CTDP1: variants seen among roughly 807,000 people sequenced by gnomAD.
The protein encoded by CTDP1 is CTD phosphatase 1, also known as RNA polymerase II subunit A C-terminal domain phosphatase.
CTDP1 carries 47 observed loss-of-function variants against 91.8 expected under a neutral mutation model. The observed-to-expected ratio is 0.51, with a 90% CI of 0.41 to 0.65. The LOEUF (loss-of-function observed/expected upper bound fraction) is 0.65. Among genes scored for constraint, CTDP1 ranks in the 30% least tolerant of loss-of-function variants. The pLI is 0.00. For missense variants in CTDP1, 1,272 were observed against 1,373.7 expected (o/e 0.93, Z 1.17); for synonymous variants, 656 against 598.5 (o/e 1.10, Z -1.40).
intron 5 of CTDP1, among the ~76,000 whole-genome samples, chr18:79,705,678 G>A (rs542814561): frequency 6.6e-6 from 1 of 152,360 alleles, no homozygotes; most frequent in East Asian, 1.9e-4. Context: ...GGCGCCGAGT[G>A]GCAGTGTAGG....
At chr18:79,698,523 C>T (rs959407453) in intron 4 of CTDP1, among the ~76,000 whole-genome samples, 2 of 152,098 alleles carry the variant, frequency 1.3e-5, no homozygotes, top group East Asian at 1.9e-4. Flanking sequence ...TTAATGCACA[C>T]GAAACCCTTC....
upstream of CTDP1, among the ~76,000 whole-genome samples, chr18:79,676,959 C>T (rs901563499): frequency 6.6e-6 from 1 of 152,240 alleles, no homozygotes; most frequent in African/African-American, 2.4e-5. Context: ...GGCATCTATC[C>T]AGGTTGGAGT....
In CTDP1 at chr18:79,731,077, G is replaced by A. The variant is rs182869309; in HGVS notation, c.2580+2008G>A. Among the ~76,000 whole-genome samples, 436 of 152,316 alleles carry A rather than the reference G, an allele frequency of 2.9e-3. 3 individuals carry two copies. The highest frequency in any genetic ancestry group is 4.4e-3 in the Admixed American group (67 of 15,298). On this transcript the variant is annotated intron_variant, in intron 11 of 12. Transcript: ENST00000613122. Reference sequence around the variant, plus strand: ...GCCCATTGCCTGCACCCCCCCGTGGGCCTGTGAGACGGACTAGGTACCTGC... The same window carrying A: ...GCCCATTGCCTGCACCCCCCCGTGGACCTGTGAGACGGACTAGGTACCTGC...
At position 79,692,695 on chromosome 18, in the gene CTDP1, G is replaced by A. The variant is rs183508144; in HGVS notation, c.315-2530G>A. On this transcript the variant is annotated intron_variant, in intron 1 of 12. Transcript: ENST00000613122. ...CAGGGGGTAGAGCGAGGAGCCCGCC[G>A]TGAGCTGGTGTCCTGCGTGGGGCAG... Among the ~76,000 whole-genome samples, 449 of 152,124 alleles carry A rather than the reference G, an allele frequency of 3.0e-3. 1 individual carries two copies. Among genetic ancestry groups the A allele is most frequent in the African/African-American group, 0.01 (427 of 41,494 alleles).
intron 12 of CTDP1, among the ~76,000 whole-genome samples, chr18:79,746,706 T>C (rs1236111793): frequency 6.6e-6 from 1 of 152,198 alleles, no homozygotes. Flanking sequence ...AAGCTTGAAC[T>C]CCTGGGCTCA....
At chr18:79,743,687 G>A (rs555733210) in intron 12 of CTDP1, among the ~76,000 whole-genome samples, 13 of 152,350 alleles carry the variant, frequency 8.5e-5, no homozygotes, top group African/African-American at 3.1e-4. Context: ...GGGCTGAGCT[G>A]TGCAGCAGCC....
chr18:79,742,181 TGAGAGA>T lies in CTDP1; in HGVS notation c.2747+5682_2747+5687del, dbSNP rs35935192. Among the ~76,000 whole-genome samples, 279 of 99,934 alleles carry T rather than the reference TGAGAGA, an allele frequency of 2.8e-3. 4 individuals carry two copies. In the East Asian group the frequency reaches 0.032, roughly 11 times the overall value. 65.6% of individuals were successfully genotyped at this position (99,934 alleles called of 152,430 possible). ...GGGGCAGCAGAGGAAGCATGAAGCA[TGAGAGA>T]GAGAGAGAGAGAGAGAGAGAGGCCT... On this transcript the variant is annotated intron_variant, in intron 12 of 12. Coordinates refer to ENST00000613122, the MANE Select transcript of CTDP1 (RefSeq NM_004715.5).
Position 79,715,365 on chromosome 18 carries a change from A to G in CTDP1, c.1905A>G (p.Ala635=). 6.2e-7 allele frequency: 1 copy of G among 1,608,482 alleles called. No individual in the cohort carries two copies. The highest frequency in any genetic ancestry group is 1.1e-5 in the South Asian group (1 of 89,936). Residue 635 remains alanine (A), a synonymous_variant, in exon 8 of 13, where the codon GCA becomes GCG. Transcript: ENST00000613122. ...IVPELKSKVL[A]DVAIIFSGLH... is the part of the protein sequence containing the mutation. ...CGGAGCTCAAGAGCAAGGTGCTGGC[A>G]GACGTGGCCATAATTTTCAGTGGGC...
chr18:79,719,666 A>G (rs2086293788), intron 10 of CTDP1, among the ~76,000 whole-genome samples: 1 of 149,178 alleles, frequency 6.7e-6, no homozygotes, highest in African/African-American at 2.5e-5. Context: ...GTCACCTCCC[A>G]TCATTAGGAA....
chr18:79,719,351 C>T (rs775205483), intron 10 of CTDP1, among the ~76,000 whole-genome samples: 14 of 150,418 alleles, frequency 9.3e-5, no homozygotes, highest in Non-Finnish European at 1.6e-4. Flanking sequence ...GCAGCTGGGC[C>T]GGTGCGGGTG....
At chr18:79,686,137 C>T (rs185684465) in intron 1 of CTDP1, among the ~76,000 whole-genome samples, 36 of 152,244 alleles carry the variant, frequency 2.4e-4, no homozygotes, top group Non-Finnish European at 4.0e-4. Flanking sequence ...TAGGTATCTC[C>T]GATCTAATCT....
intron 12 of CTDP1, among the ~76,000 whole-genome samples, chr18:79,744,323 T>C (rs973831158): frequency 6.6e-6 from 1 of 152,174 alleles, no homozygotes; most frequent in African/African-American, 2.4e-5. Context: ...AATAAACTTT[T>C]TAAGTTAAGT....
Position 79,713,298 on chromosome 18 carries a change from A to G in CTDP1, c.1030+160A>G, listed in dbSNP as rs905153586. 6.6e-6 allele frequency among the ~76,000 whole-genome samples: 1 copy of G among 152,214 alleles called. No individual in the cohort carries two copies. The highest frequency in any genetic ancestry group is 6.5e-5 in the Admixed American group (1 of 15,282). Reference sequence around the variant, plus strand: ...TTGGATTTATTTATAGAGTACTGAAAAACAGGATATTAGGTTGTTTCAATT... The same window carrying G: ...TTGGATTTATTTATAGAGTACTGAAGAACAGGATATTAGGTTGTTTCAATT... On this transcript the variant is annotated intron_variant, in intron 7 of 12. Coordinates refer to ENST00000613122, the MANE Select transcript of CTDP1 (RefSeq NM_004715.5). The surrounding 1 kb of genome is among the most constrained non-coding windows in gnomAD (Gnocchi z 4.7).
chr18:79,707,071 G>A (rs1374508129), intron 5 of CTDP1, among the ~76,000 whole-genome samples: 1 of 152,184 alleles, frequency 6.6e-6, no homozygotes, highest in Non-Finnish European at 1.5e-5. Flanking sequence ...GAGGTGCATC[G>A]ATGTTTGCTG....
At chr18:79,688,994 G>A (rs186978646) in intron 1 of CTDP1, among the ~76,000 whole-genome samples, 14 of 152,346 alleles carry the variant, frequency 9.2e-5, no homozygotes, top group Admixed American at 7.2e-4. Context: ...TCTGGAGTTG[G>A]AGAGTTAGTT....
intron 4 of CTDP1, among the ~76,000 whole-genome samples, chr18:79,700,663 C>T (rs568711503): frequency 9.2e-5 from 14 of 152,334 alleles, no homozygotes; most frequent in East Asian, 5.8e-4. Context: ...GGAGAAACTG[C>T]GGCAAGTTCC....
chr18:79,677,428 A>C (rs1418436834), upstream of CTDP1: 1 of 152,296 alleles, frequency 6.6e-6, no homozygotes, highest in Non-Finnish European at 1.5e-5. Context: ...CAGAAGGCAG[A>C]GGTGAGGCCT....
rs2086702929 is a variant in CTDP1, at chr18:79,738,069, C to T, written c.2747+1548C>T. Among the ~76,000 whole-genome samples, 3 of 151,000 alleles carry T rather than the reference C, an allele frequency of 2.0e-5. No homozygotes were observed. The South Asian group carries it at 6.2e-4, about 31-fold the overall frequency. On this transcript the variant is annotated intron_variant, in intron 12 of 12. Coordinates refer to ENST00000613122, the MANE Select transcript of CTDP1 (RefSeq NM_004715.5). Reference sequence around the variant, plus strand: ...CCGCCCCCGGGAGTTGCCTTCCCCACTCTCTGGGGTGTTCTCTGTCTCTGC... The same window carrying T: ...CCGCCCCCGGGAGTTGCCTTCCCCATTCTCTGGGGTGTTCTCTGTCTCTGC...
At chr18:79,690,421 G>A (rs1941972231) in intron 1 of CTDP1, among the ~76,000 whole-genome samples, 1 of 152,220 alleles carries the variant, frequency 6.6e-6, no homozygotes, top group African/African-American at 2.4e-5. Flanking sequence ...GTGACTGATT[G>A]GACGTTTTTG....
Sources: gnomAD v4.1 joint callset for allele counts (sites outside exome capture counted in the v4.1 genomes callset) on GRCh38, gnomAD v4.1.1 for gene constraint, Gnocchi (gnomAD v3.1) non-coding constraint, MANE v1.5 for transcripts, NCBI Gene and HGNC (gene_info 2026-07-23, HGNC 2026-07-21) for gene names.